The following NBEAL1 variants were observed in gnomAD, a reference collection of about 807,000 sequenced individuals.
NBEAL1 encodes neurobeachin-like protein 1.
In NBEAL1, 273 loss-of-function variants were observed where a neutral mutation model predicts 351.3. The observed-to-expected ratio is 0.78, with a 90% CI of 0.70 to 0.86. The LOEUF (loss-of-function observed/expected upper bound fraction) is 0.86. Ranked by LOEUF, NBEAL1 falls within the 40% of genes least tolerant of loss-of-function variation. The pLI is 0.00. For missense variants in NBEAL1, 2,961 were observed against 3,201.3 expected, an observed-to-expected ratio of 0.92 and a Z score of 1.81; for synonymous variants, 1,050 against 1,086.4, an observed-to-expected ratio of 0.97 and a Z score of 0.66.
chr2:203,021,548 T>TCGTG (rs1196544942), intron 2 of NBEAL1, among the ~76,000 whole-genome samples: 1 of 151,566 alleles, frequency 6.6e-6, no homozygotes, highest in Admixed American at 6.6e-5. Flanking sequence ...TGAGCTGAGA[T>TCGTG]CGTGCCACTA....
At position 203,221,726 on chromosome 2, in the gene NBEAL1, A is replaced by G. The variant is rs947982206; in HGVS notation, c.*4372A>G. On this transcript the variant is annotated 3_prime_UTR_variant, in exon 56 of 56. Transcript: ENST00000683969. ...TGAATTCGTATATTGTATATGCTCAACATATTATTTGTTTTAAACTTGACT... is the reference window on the plus strand; with the variant it reads ...TGAATTCGTATATTGTATATGCTCAGCATATTATTTGTTTTAAACTTGACT... Among the ~76,000 whole-genome samples, 1 of 152,208 alleles carries G rather than the reference A, an allele frequency of 6.6e-6. No individual in the cohort carries two copies. Among genetic ancestry groups the G allele is most frequent in the African/African-American group, 2.4e-5 (1 of 41,452 alleles).
chr2:203,116,814 G>C (rs371087141), intron 18 of NBEAL1, among the ~76,000 whole-genome samples: 14 of 150,770 alleles, frequency 9.3e-5, no homozygotes, highest in East Asian at 5.8e-4. Context: ...AAAAGGGGGG[G>C]GCCCAGCACA....
In NBEAL1 at chr2:203,099,685, A is replaced by G; in HGVS notation, c.1242A>G (p.Ala414=). The change falls in exon 12 of 56, where the codon GCA becomes GCG. Residue 414 remains alanine, a synonymous_variant. Transcript: ENST00000683969. ...TATCAACCATTCAGGCTTTGACCGC[A>G]GTAATGAACAAATCTCCAGCTGCTA... ...LAISTIQALT[A]VMNKSPAAKE... 3 of 1,550,346 alleles carry G rather than the reference A, an allele frequency of 1.9e-6. No homozygotes were observed. The highest frequency in any genetic ancestry group is 1.7e-6 in the Non-Finnish European group (2 of 1,146,476).
At chr2:203,060,109 A>G (rs979626815) in intron 6 of NBEAL1, among the ~76,000 whole-genome samples, 4 of 152,236 alleles carry the variant, frequency 2.6e-5, no homozygotes, top group Admixed American at 2.0e-4. Context: ...ATAGACAGCA[A>G]GACAGATACA....
At chr2:203,100,251 T>G (rs183127840) in intron 12 of NBEAL1, among the ~76,000 whole-genome samples, 1 of 152,324 alleles carries the variant, frequency 6.6e-6, no homozygotes, top group African/African-American at 2.4e-5. Flanking sequence ...TTATATTCCC[T>G]TGGGTATTTA....
In NBEAL1 at chr2:203,180,090, G is replaced by A. The variant is rs531326084; in HGVS notation, c.6465-292G>A. Reference sequence around the variant, plus strand: ...TACCCAGCCCTAAAAAGACTCTTAAGATTATATTTAATTTATTTGAAATTT... The same window carrying A: ...TACCCAGCCCTAAAAAGACTCTTAAAATTATATTTAATTTATTTGAAATTT... On this transcript the variant is annotated intron_variant, in intron 42 of 55. Transcript: ENST00000683969. Among the ~76,000 whole-genome samples, 7 of 152,290 alleles carry A rather than the reference G, an allele frequency of 4.6e-5. No homozygotes were observed. The South Asian group carries it at 1.4e-3, about 32-fold the overall frequency.
chr2:203,046,024 A>G (rs1177748209), intron 3 of NBEAL1, among the ~76,000 whole-genome samples: 2 of 152,150 alleles, frequency 1.3e-5, no homozygotes, highest in African/African-American at 4.8e-5. Context: ...TTGATACTCA[A>G]ATTTTATAGG....
intron 42 of NBEAL1, among the ~76,000 whole-genome samples, chr2:203,175,740 A>G (rs2064479852): frequency 6.6e-6 from 1 of 152,194 alleles, no homozygotes; most frequent in Non-Finnish European, 1.5e-5. Context: ...TAACTTACCT[A>G]TGTTGTACAT....
At chr2:203,065,338 T>C (rs2061564667) in intron 6 of NBEAL1, among the ~76,000 whole-genome samples, 1 of 152,236 alleles carries the variant, frequency 6.6e-6, no homozygotes, top group South Asian at 2.1e-4. Flanking sequence ...TGATCTATTC[T>C]TATTGTTGCA....
At chr2:203,214,668 G>A (rs1175785092) in intron 55 of NBEAL1, among the ~76,000 whole-genome samples, 4 of 152,086 alleles carry the variant, frequency 2.6e-5, no homozygotes, top group Non-Finnish European at 4.4e-5. Flanking sequence ...CCAGCTACTC[G>A]GGAGGCTGAG....
At chr2:203,147,172 A>C (rs1305210342) in intron 33 of NBEAL1, among the ~76,000 whole-genome samples, 1 of 152,154 alleles carries the variant, frequency 6.6e-6, no homozygotes, top group East Asian at 1.9e-4. Flanking sequence ...AAGTATAGTA[A>C]GAATAGAAAA....
At chr2:203,102,884 A>C (rs1190947925) in intron 12 of NBEAL1, among the ~76,000 whole-genome samples, 1 of 152,156 alleles carries the variant, frequency 6.6e-6, no homozygotes, top group Non-Finnish European at 1.5e-5. Flanking sequence ...TAGGAATGGT[A>C]CCAGCTCTTT....
intron 12 of NBEAL1, among the ~76,000 whole-genome samples, chr2:203,104,119 C>T (rs1226969889): frequency 6.6e-6 from 1 of 152,096 alleles, no homozygotes; most frequent in East Asian, 1.9e-4. Context: ...CTACTAGGTC[C>T]ATTTGGTCAT....
At chr2:203,169,013 GA>G (rs2064233161) in intron 38 of NBEAL1, among the ~76,000 whole-genome samples, 1 of 151,780 alleles carries the variant, frequency 6.6e-6, no homozygotes, top group Non-Finnish European at 1.5e-5. Flanking sequence ...GTACTATAAG[GA>G]TAGGTATTAT....
At chr2:203,172,649 G>T (rs1295887748) in intron 40 of NBEAL1, 80 bp from the exon 41 acceptor site, 2 of 1,267,054 alleles carry the variant, frequency 1.6e-6, no homozygotes, top group Admixed American at 5.2e-5. Context: ...TTTGTCTTTA[G>T]ATAACCATTT....
chr2:203,057,424 A>G lies in NBEAL1; in HGVS notation c.486A>G (p.Pro162=), dbSNP rs1463082393. The G allele has an allele frequency of 9.0e-6, 14 of 1,552,246 alleles. No individual in the cohort carries two copies. The highest frequency in any genetic ancestry group is 1.7e-4 in the Middle Eastern group (1 of 5,984). ...ALAFCESLYD[P]YRNWRHRISG... is the part of the protein sequence containing the mutation. ...CATTTTGTGAAAGCTTATATGATCC[A>G]TATCGGAATTGGAGACATAGAATTT... Residue 162 remains proline (P), a synonymous_variant, in exon 6 of 56, where the codon CCA becomes CCG. Coordinates refer to ENST00000683969, the MANE Select transcript of NBEAL1 (RefSeq NM_001378026.1).
chr2:203,169,077 GAAGTATACTTGAGC>G (rs1360761694), intron 38 of NBEAL1, among the ~76,000 whole-genome samples: 1 of 151,994 alleles, frequency 6.6e-6, no homozygotes, highest in Non-Finnish European at 1.5e-5. Context: ...AACTAAATTT[GAAGTATACTTGAGC>G]AAGTTTTCTA....
At chr2:203,209,357 C>T (rs2105843126) in intron 53 of NBEAL1, 35 bp downstream of exon 53, 1 of 1,500,780 alleles carries the variant, frequency 6.7e-7, no homozygotes, top group Non-Finnish European at 9.2e-7. Context: ...GGTAGACTCC[C>T]AATAGCATAT....
chr2:203,197,406 AC>A lies in NBEAL1; in HGVS notation c.7128+17del. Reference sequence around the variant, plus strand: ...CTGAGTTACTGGTAAGTTGATTTTTACCTTTTTCACACTGCTATGCCTATAT... The same window carrying A: ...CTGAGTTACTGGTAAGTTGATTTTTACTTTTTCACACTGCTATGCCTATAT... On this transcript the variant is annotated intron_variant, in intron 48 of 55. Transcript: ENST00000683969. The A allele has an allele frequency of 6.8e-7, 1 of 1,476,028 alleles. No homozygotes were observed. The highest frequency in any genetic ancestry group is 9.5e-7 in the Non-Finnish European group (1 of 1,054,544). 91.4% of individuals were successfully genotyped at this position (1,476,028 alleles called of 1,614,324 possible).
Sources: allele counts gnomAD v4.1 joint callset (sites outside exome capture counted in the v4.1 genomes callset), GRCh38; gene constraint gnomAD v4.1.1; transcripts MANE v1.5; gene names NCBI Gene and HGNC (gene_info 2026-07-23, HGNC 2026-07-21).